The following FRAS1 variants were observed in gnomAD, a reference collection of about 807,000 sequenced individuals.
FRAS1 encodes Fraser extracellular matrix complex subunit 1.
A neutral mutation model predicts 435.2 loss-of-function variants in FRAS1; 290 were observed. The ratio of observed to expected loss-of-function variants is 0.67; its 90% CI spans 0.61 to 0.73. FRAS1 has a LOEUF of 0.73. Ranked by LOEUF, FRAS1 falls within the 30% of genes least tolerant of loss-of-function variation. FRAS1 has a pLI of 0.00. For missense variants in FRAS1, 4,860 were observed against 5,001.5 expected (o/e 0.97, Z 0.85); for synonymous variants, 1,800 against 1,851.0 (o/e 0.97, Z 0.71).
chr4:78,540,899 C>A lies in FRAS1; in HGVS notation c.11814C>A (p.Pro3938=). The A allele has an allele frequency of 6.2e-7, 1 of 1,613,818 alleles. No individual in the cohort carries two copies. The highest frequency in any genetic ancestry group is 8.5e-7 in the Non-Finnish European group (1 of 1,179,878). ...RKCQKQRKKK[P]AEDILEEYPL... is the part of the protein sequence containing the mutation. ...GCCAGAAACAGAGGAAGAAGAAGCC[C>A]GCAGAGGACATTTTGGAAGAATATC... The change falls in exon 74 of 74, where the codon CCC becomes CCA. Residue 3938 remains proline (P), a synonymous_variant. Transcript: ENST00000512123.
In FRAS1 at chr4:78,536,592, A is replaced by G. The variant is rs565791716; in HGVS notation, c.11093-403A>G. Among the ~76,000 whole-genome samples the G allele has an allele frequency of 2.0e-5, 3 of 152,264 alleles. No individual in the cohort carries two copies. In the South Asian group the frequency reaches 6.2e-4, roughly 32 times the overall value. On this transcript the variant is annotated intron_variant, in intron 71 of 73. Coordinates refer to ENST00000512123, the MANE Select transcript of FRAS1 (RefSeq NM_025074.7). ...ACTCCATGAGTTATTACATGAGAGG[A>G]CTTGGTACAGTACCTGGAAAATAGT...
chr4:78,418,738 C>T (rs1380351262), intron 32 of FRAS1, among the ~76,000 whole-genome samples: 1 of 152,140 alleles, frequency 6.6e-6, no homozygotes, highest in Non-Finnish European at 1.5e-5. Context: ...ACAAGAAAAT[C>T]TGAAAAGGAC....
At chr4:78,357,454 G>T (rs1030848309) in intron 20 of FRAS1, among the ~76,000 whole-genome samples, 1 of 152,156 alleles carries the variant, frequency 6.6e-6, no homozygotes, top group Admixed American at 6.5e-5. Context: ...CTTCCAACCT[G>T]TTCCATAAGA....
At chr4:78,498,933 G>A (rs781511844) in intron 60 of FRAS1, among the ~76,000 whole-genome samples, 4 of 151,738 alleles carry the variant, frequency 2.6e-5, no homozygotes, top group Non-Finnish European at 4.4e-5. Flanking sequence ...CTGTAGCCTC[G>A]ACCACCAGGG....
At chr4:78,270,163 G>T (rs1286974379) in intron 9 of FRAS1, among the ~76,000 whole-genome samples, 2 of 152,156 alleles carry the variant, frequency 1.3e-5, no homozygotes, top group African/African-American at 4.8e-5. Flanking sequence ...GTGGTTTGGG[G>T]CATTGAGGCT....
chr4:78,151,764 A>G (rs1304589098), intron 2 of FRAS1, among the ~76,000 whole-genome samples: 2 of 152,222 alleles, frequency 1.3e-5, no homozygotes, highest in African/African-American at 2.4e-5. Context: ...CAATTCTCTC[A>G]TAATAGAGAA....
intron 2 of FRAS1, among the ~76,000 whole-genome samples, chr4:78,078,727 T>C (rs914616236): frequency 6.6e-6 from 1 of 152,026 alleles, no homozygotes; most frequent in Non-Finnish European, 1.5e-5. Flanking sequence ...CACCAAATGT[T>C]AGGAATTAAA....
At chr4:78,104,856 TC>T (rs2109926323) in intron 2 of FRAS1, among the ~76,000 whole-genome samples, 1 of 152,344 alleles carries the variant, frequency 6.6e-6, no homozygotes, top group East Asian at 1.9e-4. Context: ...GCAACACTTT[TC>T]TATTAAGATT....
intron 6 of FRAS1, among the ~76,000 whole-genome samples, chr4:78,260,957 AT>A (rs774265840): frequency 7.2e-5 from 11 of 152,046 alleles, no homozygotes; most frequent in Non-Finnish European, 1.6e-4. Context: ...AGTTTTTGAA[AT>A]GTTTTCTTCA....
chr4:78,112,367 C>G (rs572201897), intron 2 of FRAS1, among the ~76,000 whole-genome samples: 24 of 152,104 alleles, frequency 1.6e-4, no homozygotes, highest in Non-Finnish European at 3.2e-4. Context: ...CCTCTGCAAT[C>G]TGTAGATCTG....
Position 78,300,486 on chromosome 4 carries a change from C to G in FRAS1, c.1535-7580C>G, listed in dbSNP as rs112009141. ...CCAGATGATAAATAAGGAAACTTTCCTTTGTCTTTGCTTCCCACCCAACTA... is the reference window on the plus strand; with the variant it reads ...CCAGATGATAAATAAGGAAACTTTCGTTTGTCTTTGCTTCCCACCCAACTA... On this transcript the variant is annotated intron_variant, in intron 14 of 73. Transcript: ENST00000512123. 2.3e-3 allele frequency among the ~76,000 whole-genome samples: 353 copies of G among 152,186 alleles called. 1 individual carries two copies. Among genetic ancestry groups the G allele is most frequent in the African/African-American group, 8.1e-3 (338 of 41,512 alleles).
chr4:78,213,028 G>A (rs1157394788), intron 2 of FRAS1, among the ~76,000 whole-genome samples: 1 of 152,186 alleles, frequency 6.6e-6, no homozygotes, highest in East Asian at 1.9e-4. Flanking sequence ...CCTCCTTATG[G>A]ACTAGTCTCT....
intron 2 of FRAS1, among the ~76,000 whole-genome samples, chr4:78,163,705 C>T (rs1329402574): frequency 2.0e-5 from 3 of 152,170 alleles, no homozygotes; most frequent in African/African-American, 7.2e-5. Context: ...CTTTTTGCTT[C>T]TTTGGAAAAA....
intron 2 of FRAS1, among the ~76,000 whole-genome samples, chr4:78,159,616 C>T (rs1280530829): frequency 6.6e-6 from 1 of 152,176 alleles, no homozygotes; most frequent in African/African-American, 2.4e-5. Flanking sequence ...CATGGTGGCT[C>T]ACACCTGTAA....
chr4:78,253,644 T>G (rs1057086617), intron 5 of FRAS1, among the ~76,000 whole-genome samples: 12 of 152,122 alleles, frequency 7.9e-5, no homozygotes, highest in Non-Finnish European at 1.5e-4. Flanking sequence ...CCATTCCGTA[T>G]TGGAATCAAG....
At chr4:78,356,193 A>G (rs376200) in intron 20 of FRAS1, among the ~76,000 whole-genome samples, 25,904 of 152,070 alleles carry the variant, frequency 0.17, 2,902 homozygotes, top group African/African-American at 0.32. Flanking sequence ...AACTGACGAG[A>G]CAGTTGGAAA....
At position 78,191,541 on chromosome 4, in the gene FRAS1, T is replaced by C. The variant is rs1722533888; in HGVS notation, c.109-45969T>C. 5.3e-5 allele frequency among the ~76,000 whole-genome samples: 8 copies of C among 152,012 alleles called. No individual in the cohort carries two copies. In the South Asian group the frequency reaches 1.4e-3, roughly 28 times the overall value. ...ATTTGTTTGTATTATTTTCTTTTTTTTTTTTTTTAATTATTATACTTTAAG... is the reference window on the plus strand; with the variant it reads ...ATTTGTTTGTATTATTTTCTTTTTTCTTTTTTTTAATTATTATACTTTAAG... On this transcript the variant is annotated intron_variant, in intron 2 of 73. Transcript: ENST00000512123.
At chr4:78,484,925 A>G (rs1260469291) in intron 58 of FRAS1, among the ~76,000 whole-genome samples, 1 of 152,220 alleles carries the variant, frequency 6.6e-6, no homozygotes, top group Non-Finnish European at 1.5e-5. Context: ...TGGCAATTTT[A>G]TTTCTTAGTA....
Position 78,336,880 on chromosome 4 carries a change from C to T in FRAS1, c.2279-794C>T, listed in dbSNP as rs1255414479. Among the ~76,000 whole-genome samples the T allele has an allele frequency of 2.6e-5, 4 of 152,196 alleles. No homozygotes were observed. The East Asian group carries it at 5.8e-4, about 22-fold the overall frequency. The stretch of plus-strand genomic sequence containing the variant: ...TAAATCTGCTTCCATGTGCTTGCTC[C>T]TGCTGCTCCCTTGGCAGCGTCAATG... On this transcript the variant is annotated intron_variant, in intron 19 of 73. Coordinates refer to ENST00000512123, the MANE Select transcript of FRAS1 (RefSeq NM_025074.7).
Sources: allele counts gnomAD v4.1 joint callset (sites outside exome capture counted in the v4.1 genomes callset), GRCh38; gene constraint gnomAD v4.1.1; transcripts MANE v1.5; gene names NCBI Gene and HGNC (gene_info 2026-07-23, HGNC 2026-07-21).